PSAP: variants seen among roughly 807,000 people sequenced by gnomAD.
PSAP encodes prosaposin.
Under a neutral mutation model 66.0 loss-of-function variants are expected in PSAP, and 25 were observed. The ratio of observed to expected loss-of-function variants is 0.38; its 90% CI spans 0.28 to 0.53. The LOEUF (loss-of-function observed/expected upper bound fraction) is 0.53. Ranked by LOEUF, PSAP falls within the 20% of genes least tolerant of loss-of-function variation. PSAP has a pLI of 0.83. For missense variants in PSAP, 649 were observed against 668.8 expected, an observed-to-expected ratio of 0.97 and a Z score of 0.33; for synonymous variants, 273 against 258.9, an observed-to-expected ratio of 1.05 and a Z score of -0.52.
At chr10:71,837,738 G>A (rs887328187) in intron 1 of PSAP, among the ~76,000 whole-genome samples, 3 of 152,212 alleles carry the variant, frequency 2.0e-5, no homozygotes, top group African/African-American at 7.2e-5. Flanking sequence ...CAATGCTAAC[G>A]GAGCCTTCCT....
chr10:71,829,279 C>T, intron 4 of PSAP, among the ~76,000 whole-genome samples: 1 of 152,178 alleles, frequency 6.6e-6, no homozygotes, highest in East Asian at 1.9e-4. Flanking sequence ...GGCCCCTAAG[C>T]TTCCTCAATT....
chr10:71,830,991 A>C (rs1676458489), intron 4 of PSAP, 135 bp downstream of exon 4: 2 of 1,375,346 alleles, frequency 1.5e-6, no homozygotes, highest in Admixed American at 3.5e-5. Context: ...TCTGGATGTC[A>C]AATTGTAGCA....
chr10:71,820,352 A>T lies in PSAP; in HGVS notation c.910-17T>A. Reference sequence around the variant, plus strand: ...CTCGTGCTTCTGTGGAAAGAGTAGAAGGAGAGTACTTTCAATGCTGGGACT... The same window carrying T: ...CTCGTGCTTCTGTGGAAAGAGTAGATGGAGAGTACTTTCAATGCTGGGACT... On this transcript the variant is annotated splice_polypyrimidine_tract_variant and intron_variant, in intron 8 of 13. Coordinates refer to ENST00000394936, the MANE Select transcript of PSAP (RefSeq NM_002778.4). 1 of 1,601,440 alleles carries T rather than the reference A, an allele frequency of 6.2e-7. No individual in the cohort carries two copies. Among genetic ancestry groups the T allele is most frequent in the Non-Finnish European group, 8.6e-7 (1 of 1,168,466 alleles).
Position 71,831,187 on chromosome 10 carries a change from G to C in PSAP, c.314C>G (p.Ser105Ter). 1 of 1,614,152 alleles carries C rather than the reference G, an allele frequency of 6.2e-7. No homozygotes were observed. Among genetic ancestry groups the C allele is most frequent in the Non-Finnish European group, 8.5e-7 (1 of 1,180,012 alleles). The stretch of plus-strand genomic sequence containing the variant: ...GTAGGAGTCCACTATCTCCTTGCAT[G>C]AAGCAGACATGTTCGGTTTCGGAAG... ...DWLPKPNMSA[S>*]CKEIVDSYLP... The change falls in exon 4 of 14, where the codon TCA (serine) becomes TGA (stop). Residue 105 changes from serine to a stop codon, truncating the protein, a stop_gained. Transcript: ENST00000394936. LOFTEE classifies it high-confidence loss of function.
chr10:71,822,020 C>G lies in PSAP; in HGVS notation c.778-13G>C. The G allele has an allele frequency of 6.2e-7, 1 of 1,614,080 alleles. No individual in the cohort carries two copies. The highest frequency in any genetic ancestry group is 8.5e-7 in the Non-Finnish European group (1 of 1,179,968). On this transcript the variant is annotated splice_polypyrimidine_tract_variant and intron_variant, in intron 7 of 13. Transcript: ENST00000394936. ...TCTCCTTGGGTTGCTGAAGAGAGCACAGAACAACCAGTCAGCAGCAAGCCT... is the reference window on the plus strand; with the variant it reads ...TCTCCTTGGGTTGCTGAAGAGAGCAGAGAACAACCAGTCAGCAGCAAGCCT...
Position 71,816,711 on chromosome 10 carries a change from G to A in PSAP, c.*730C>T, listed in dbSNP as rs1373837157. ...CGCTCACACAAGCCAGGCCCGCAGGGCCTTCGGAGAGCTAGCAGGTTACAT... is the reference window on the plus strand; with the variant it reads ...CGCTCACACAAGCCAGGCCCGCAGGACCTTCGGAGAGCTAGCAGGTTACAT... On this transcript the variant is annotated 3_prime_UTR_variant, in exon 14 of 14. Transcript: ENST00000394936. 2 of 273,798 alleles carry A rather than the reference G, an allele frequency of 7.3e-6. No individual in the cohort carries two copies. Among genetic ancestry groups the A allele is most frequent in the Admixed American group, 4.3e-5 (1 of 23,374 alleles). The allele number at this position is 273,798 out of a possible 1,614,324, so 17.0% of individuals were successfully genotyped here.
chr10:71,845,569 G>T lies in PSAP; in HGVS notation c.40+5613C>A, dbSNP rs184517037. ...GCTGCTACCAGGCTGTTTGGGGAGGGCCTGGGGACAGCAGTGGCAGGGACA... is the reference window on the plus strand; with the variant it reads ...GCTGCTACCAGGCTGTTTGGGGAGGTCCTGGGGACAGCAGTGGCAGGGACA... On this transcript the variant is annotated intron_variant, in intron 1 of 13. Coordinates refer to ENST00000394936, the MANE Select transcript of PSAP (RefSeq NM_002778.4). Among the ~76,000 whole-genome samples the T allele has an allele frequency of 6.6e-5, 10 of 152,302 alleles. No homozygotes were observed. The East Asian group carries it at 1.9e-3, about 29-fold the overall frequency.
Position 71,823,011 on chromosome 10 carries a change from G to GA in PSAP, c.778-1005dup, listed in dbSNP as rs1239335636. 6.4e-3 allele frequency among the ~76,000 whole-genome samples: 906 copies of GA among 142,294 alleles called. 5 individuals carry two copies. Among genetic ancestry groups the GA allele is most frequent in the African/African-American group, 0.015 (593 of 39,198 alleles). 93.4% of individuals were successfully genotyped at this position (142,294 alleles called of 152,430 possible). On this transcript the variant is annotated intron_variant, in intron 7 of 13. Coordinates refer to ENST00000394936, the MANE Select transcript of PSAP (RefSeq NM_002778.4). ...AGCTGAAGATACAGCAAGCTTTTTA[G>GA]AAAAAAAAAAAAGACGCCAATATTC...
At chr10:71,849,562 T>G (rs950015480) in intron 1 of PSAP, among the ~76,000 whole-genome samples, 7 of 151,856 alleles carry the variant, frequency 4.6e-5, no homozygotes, top group Admixed American at 4.6e-4. Flanking sequence ...GACTACGCCA[T>G]TGCACCACTC....
chr10:71,833,040 A>AAAAAAAC (rs1842552077), intron 2 of PSAP, among the ~76,000 whole-genome samples: 2 of 145,462 alleles, frequency 1.4e-5, no homozygotes, highest in Non-Finnish European at 3.0e-5. Flanking sequence ...AACAAAAAAC[A>AAAAAAAC]AAAACAGAAG....
chr10:71,848,710 G>A (rs1020096950), intron 1 of PSAP, among the ~76,000 whole-genome samples: 5 of 152,180 alleles, frequency 3.3e-5, no homozygotes, highest in African/African-American at 9.7e-5. Flanking sequence ...GCAGACAATG[G>A]CTGCAGTCAC....
At chr10:71,829,172 A>G (rs1842462403) in intron 4 of PSAP, 95 bp from the exon 5 acceptor site, 1 of 1,181,912 alleles carries the variant, frequency 8.5e-7, no homozygotes. Context: ...CTCTCTTTAA[A>G]TCCCTTAAAA....
intron 7 of PSAP, chr10:71,823,829 A>AG (rs1589448965): frequency 8.1e-7 from 1 of 1,234,008 alleles, no homozygotes. Flanking sequence ...AAAAAAAAAA[A>AG]GCAAAGTAAC....
chr10:71,825,922 A>C, intron 6 of PSAP, 29 bp from the exon 7 acceptor site: 1 of 1,595,662 alleles, frequency 6.3e-7, no homozygotes, highest in Non-Finnish European at 8.6e-7. Flanking sequence ...ATTGCTAAAC[A>C]AATCACTGCA....
At chr10:71,850,283 C>T (rs557555618) in intron 1 of PSAP, among the ~76,000 whole-genome samples, 1 of 152,322 alleles carries the variant, frequency 6.6e-6, no homozygotes, top group East Asian at 1.9e-4. Context: ...AGTCGGCTAC[C>T]TGAGAGCTTC....
At chr10:71,839,050 A>C (rs1842679166) in intron 1 of PSAP, among the ~76,000 whole-genome samples, 2 of 152,154 alleles carry the variant, frequency 1.3e-5, no homozygotes, top group Non-Finnish European at 2.9e-5. Context: ...TCATCCTCCC[A>C]CACCCTACCC....
At chr10:71,823,585 A>G (rs975326536) in intron 7 of PSAP, among the ~76,000 whole-genome samples, 3 of 152,180 alleles carry the variant, frequency 2.0e-5, no homozygotes, top group Non-Finnish European at 4.4e-5. Flanking sequence ...ATGGTTCCCC[A>G]TTGTCACACT....
Position 71,834,453 on chromosome 10 carries a change from C to T in PSAP, c.93G>A (p.Val31=). The change falls in exon 2 of 14, where the codon GTG becomes GTA. Residue 31 remains valine, a synonymous_variant. Coordinates refer to ENST00000394936, the MANE Select transcript of PSAP (RefSeq NM_002778.4). ...ACGCCGTCTTCACATTCTGGCACCA[C>T]ACTGCCGAGCCCCTGGTGCATTCTT... ...GLKECTRGSA[V]WCQNVKTASD... The T allele has an allele frequency of 2.5e-6, 4 of 1,614,020 alleles. No individual in the cohort carries two copies. The highest frequency in any genetic ancestry group is 2.2e-5 in the East Asian group (1 of 44,878).
At chr10:71,825,663 G>A (rs552212819) in intron 7 of PSAP, 174 bp downstream of exon 7, 3 of 704,850 alleles carry the variant, frequency 4.3e-6, no homozygotes, top group Admixed American at 2.0e-5. Context: ...CCGTAACAGG[G>A]GAGGTACTGA....
Sources: allele counts gnomAD v4.1 joint callset (sites outside exome capture counted in the v4.1 genomes callset), GRCh38; gene constraint gnomAD v4.1.1; transcripts MANE v1.5; gene names NCBI Gene and HGNC (gene_info 2026-07-23, HGNC 2026-07-21).